Variants in CCDC7 observed in about 807,000 individuals in gnomAD.
CCDC7 encodes coiled-coil domain-containing protein 7.
CCDC7 carries 183 observed loss-of-function variants against 196.9 expected under a neutral mutation model. The observed-to-expected ratio is 0.93, with a 90% confidence interval of 0.82 to 1.05. The LOEUF (loss-of-function observed/expected upper bound fraction) is 1.05. CCDC7 is among the 50% of genes least tolerant of loss of function. The pLI is 0.00. For missense variants in CCDC7, 1,540 were observed against 1,482.2 expected (o/e 1.04, Z -0.64); for synonymous variants, 525 against 484.6 (o/e 1.08, Z -1.10).
In CCDC7 at chr10:32,622,500, G is replaced by A. The variant is rs372712054; in HGVS notation, c.1802-11754G>A. Among the ~76,000 whole-genome samples, 33 of 151,892 alleles carry A rather than the reference G, an allele frequency of 2.2e-4. 1 individual carries two copies. The East Asian group carries it at 2.3e-3, about 11-fold the overall frequency. ...CAGTGATAGTAAAGATGTACTATGG[G>A]GGTGGGAGTGGTTCAGAATTGAAAT... is the stretch of plus-strand genomic sequence containing the variant. On this transcript the variant is annotated intron_variant, in intron 18 of 41. Coordinates refer to ENST00000639629, the Ensembl canonical transcript of CCDC7.
In CCDC7 at chr10:32,570,878, G is replaced by C. The variant is rs114531555; in HGVS notation, c.1420-981G>C. 3.6e-3 allele frequency among the ~76,000 whole-genome samples: 545 copies of C among 152,036 alleles called. 2 individuals carry two copies. The highest frequency in any genetic ancestry group is 0.012 in the African/African-American group (505 of 41,470). On this transcript the variant is annotated intron_variant, in intron 15 of 41. Transcript: ENST00000639629. Reference sequence around the variant, plus strand: ...AAAACCAGTTAATCTCTGCATAAAAGAAACTGAATTAGATGAAAATCAGGT... The same window carrying C: ...AAAACCAGTTAATCTCTGCATAAAACAAACTGAATTAGATGAAAATCAGGT...
At chr10:32,502,451 C>T (rs538553215) in intron 9 of CCDC7, among the ~76,000 whole-genome samples, 1 of 152,096 alleles carries the variant, frequency 6.6e-6, no homozygotes, top group East Asian at 1.9e-4. Flanking sequence ...TAGGAATCAT[C>T]CACCTTCTGT....
intron 13 of CCDC7, among the ~76,000 whole-genome samples, chr10:32,565,181 T>G (rs2056578811): frequency 1.3e-5 from 2 of 152,184 alleles, no homozygotes; most frequent in Non-Finnish European, 2.9e-5. Flanking sequence ...TCCTGGAACA[T>G]CATGTGTAAT....
intron 17 of CCDC7, among the ~76,000 whole-genome samples, chr10:32,583,817 T>G (rs532155942): frequency 6.6e-6 from 1 of 152,078 alleles, no homozygotes; most frequent in Non-Finnish European, 1.5e-5. Flanking sequence ...TTGACATGTA[T>G]CCACAATATA....
At chr10:32,699,631 A>T (rs9663116) in intron 24 of CCDC7, among the ~76,000 whole-genome samples, 121,867 of 148,712 alleles carry the variant, frequency 0.82, 52,204 homozygotes, top group Non-Finnish European at 0.9. Context: ...ATCGCCACAC[A>T]GACTTCCACA....
At chr10:32,615,976 G>A (rs1050121012) in intron 18 of CCDC7, among the ~76,000 whole-genome samples, 1 of 151,668 alleles carries the variant, frequency 6.6e-6, no homozygotes, top group African/African-American at 2.4e-5. Flanking sequence ...AAAATCAGTT[G>A]ATTGCAGGTA....
At chr10:32,774,704 T>C (rs1259781757) in intron 28 of CCDC7, among the ~76,000 whole-genome samples, 1 of 152,168 alleles carries the variant, frequency 6.6e-6, no homozygotes, top group Admixed American at 6.5e-5. Flanking sequence ...CTTACACCAC[T>C]CTGTGATTTT....
At chr10:32,471,326 T>A in intron 6 of CCDC7, 96 bp downstream of exon 7, 4 of 1,384,218 alleles carry the variant, frequency 2.9e-6, no homozygotes, top group Non-Finnish European at 3.9e-6. Context: ...ATGATGGCTA[T>A]ACACAGAGCT....
At chr10:32,475,177 A>G (rs1224617098) in intron 8 of CCDC7, among the ~76,000 whole-genome samples, 3 of 152,106 alleles carry the variant, frequency 2.0e-5, no homozygotes, top group Non-Finnish European at 4.4e-5. Flanking sequence ...TCCTTCTAAT[A>G]TTGTACCTTG....
At chr10:32,631,672 CAA>C (rs35507467) in intron 18 of CCDC7, among the ~76,000 whole-genome samples, 5,987 of 142,870 alleles carry the variant, frequency 0.042, 126 homozygotes, top group Middle Eastern at 0.079. Context: ...TCAATTTCTA[CAA>C]AAAAAAAAAA....
chr10:32,782,290 C>T (rs2081185904), intron 29 of CCDC7, among the ~76,000 whole-genome samples: 1 of 151,714 alleles, frequency 6.6e-6, no homozygotes, highest in South Asian at 2.1e-4. Context: ...TGCAGTGGCG[C>T]AATCTCAGCT....
intron 13 of CCDC7, among the ~76,000 whole-genome samples, chr10:32,564,303 A>G (rs535288242): frequency 1.3e-5 from 2 of 152,302 alleles, no homozygotes; most frequent in East Asian, 3.9e-4. Flanking sequence ...ATTACTGGGT[A>G]TATATCCAAA....
downstream of CCDC7, among the ~76,000 whole-genome samples, chr10:32,881,076 CAAG>C (rs927849747): frequency 2.6e-5 from 4 of 152,090 alleles, no homozygotes; most frequent in Non-Finnish European, 4.4e-5. Context: ...TTTTCTTTTT[CAAG>C]AAGAACATGT....
chr10:32,702,757 T>C (rs1425571424), intron 24 of CCDC7, among the ~76,000 whole-genome samples: 4 of 152,058 alleles, frequency 2.6e-5, no homozygotes, highest in African/African-American at 9.7e-5. Context: ...TTGATCCCTT[T>C]ACCATTATGT....
At chr10:32,665,730 A>AT (rs1459902387) in intron 21 of CCDC7, among the ~76,000 whole-genome samples, 14 of 152,012 alleles carry the variant, frequency 9.2e-5, no homozygotes, top group African/African-American at 3.1e-4. Context: ...GAATTTTTGG[A>AT]TTTTTTCTAT....
At chr10:32,530,003 C>T (rs1246801400) in intron 11 of CCDC7, among the ~76,000 whole-genome samples, 1 of 152,114 alleles carries the variant, frequency 6.6e-6, no homozygotes, top group Non-Finnish European at 1.5e-5. Flanking sequence ...TGCCAATTAT[C>T]CCAGCACCAT....
chr10:32,777,502 G>C (rs1267826438), intron 28 of CCDC7, among the ~76,000 whole-genome samples: 1 of 150,266 alleles, frequency 6.7e-6, no homozygotes, highest in African/African-American at 2.4e-5. Flanking sequence ...CACCAACAGT[G>C]TGTACATGTC....
chr10:32,821,802 G>A (rs990349017), intron 31 of CCDC7, among the ~76,000 whole-genome samples: 32 of 152,048 alleles, frequency 2.1e-4, no homozygotes, highest in African/African-American at 6.3e-4. Flanking sequence ...CACACACTGG[G>A]GCCTGTTGTG....
exon 32 of CCDC7, chr10:32,824,549 G>C: frequency 6.2e-7 from 1 of 1,612,138 alleles, no homozygotes; most frequent in Non-Finnish European, 8.5e-7. Flanking sequence ...GTACAACTGA[G>C]AGAGGTACAA....
Sources: allele counts gnomAD v4.1 joint callset (sites outside exome capture counted in the v4.1 genomes callset), GRCh38; gene constraint gnomAD v4.1.1; transcripts MANE v1.5; gene names NCBI Gene and HGNC (gene_info 2026-07-23, HGNC 2026-07-21).